Variants in FBF1 observed in about 807,000 individuals in gnomAD.
The protein encoded by FBF1 is Fas binding factor 1.
A neutral mutation model predicts 147.2 loss-of-function variants in FBF1; 119 were observed. That is an observed-to-expected ratio of 0.81 (90% CI 0.70 to 0.94). The LOEUF (loss-of-function observed/expected upper bound fraction) is 0.94. Ranked by LOEUF, FBF1 falls within the 40% of genes least tolerant of loss-of-function variation. The pLI is 0.00. For missense variants in FBF1, 1,449 were observed against 1,500.8 expected, an observed-to-expected ratio of 0.97 and a Z score of 0.57; for synonymous variants, 601 against 609.0, an observed-to-expected ratio of 0.99 and a Z score of 0.19.
intron 2 of FBF1, 147 bp downstream of exon 2, chr17:75,938,000 A>G (rs780300070): frequency 1.8e-5 from 22 of 1,247,526 alleles, no homozygotes; most frequent in Middle Eastern, 1.9e-4. Context: ...TTTGGTATCA[A>G]TGCCACCTCC....
intron 4 of FBF1, among the ~76,000 whole-genome samples, chr17:75,934,942 T>C (rs1047303572): frequency 1.3e-5 from 2 of 148,882 alleles, no homozygotes; most frequent in African/African-American, 5.0e-5. Flanking sequence ...GTGTCCACAA[T>C]AGGCAAATCC....
At chr17:75,931,426 C>G (rs1315599311) in intron 5 of FBF1, 137 bp from the exon 6 acceptor site, 14 of 685,244 alleles carry the variant, frequency 2.0e-5, no homozygotes, top group Non-Finnish European at 2.2e-5. Context: ...AGGAATGTCA[C>G]AGGCCACCTG....
chr17:75,913,535 CTGATT>C (rs1159044807), intron 28 of FBF1, 162 bp downstream of exon 28: 1 of 512,062 alleles, frequency 2.0e-6, no homozygotes, highest in Non-Finnish European at 3.4e-6. Flanking sequence ...TCCTCTATTT[CTGATT>C]TATCTAAAAT....
chr17:75,931,355 G>A lies in FBF1; in HGVS notation c.168-66C>T, dbSNP rs1020655371. 1.3e-5 allele frequency: 18 copies of A among 1,436,128 alleles called. No individual in the cohort carries two copies. In the East Asian group the frequency reaches 4.0e-4, roughly 32 times the overall value. The allele number at this position is 1,436,128 out of a possible 1,614,324, so 89.0% of individuals were successfully genotyped here. Reference sequence around the variant, plus strand: ...CACTGGATGACTCTAAAAAGGGGAGGAGTAGCTTAGAAAGCCCAAGGAATC... The same window carrying A: ...CACTGGATGACTCTAAAAAGGGGAGAAGTAGCTTAGAAAGCCCAAGGAATC... On this transcript the variant is annotated intron_variant, in intron 5 of 29. Transcript: ENST00000636174.
intron 4 of FBF1, among the ~76,000 whole-genome samples, 180 bp downstream of exon 4, chr17:75,935,452 T>C (rs1220919288): frequency 6.6e-6 from 1 of 152,044 alleles, no homozygotes; most frequent in Non-Finnish European, 1.5e-5. Context: ...CAGGCGCATA[T>C]ATCTCAATTT....
chr17:75,913,852 CTG>C, intron 27 of FBF1, 33 bp from the exon 28 acceptor site: 1 of 1,577,598 alleles, frequency 6.3e-7, no homozygotes, highest in Non-Finnish European at 8.6e-7. Flanking sequence ...AAGGACTCAG[CTG>C]TGAGGTGGGA....
At chr17:75,912,850 G>A (rs2065463993) in intron 28 of FBF1, among the ~76,000 whole-genome samples, 1 of 152,090 alleles carries the variant, frequency 6.6e-6, no homozygotes, top group Non-Finnish European at 1.5e-5. Flanking sequence ...AGACCAGCCC[G>A]GCCAACATGG....
At chr17:75,930,524 C>T (rs2065587887) in intron 6 of FBF1, among the ~76,000 whole-genome samples, 1 of 152,214 alleles carries the variant, frequency 6.6e-6, no homozygotes. Flanking sequence ...CTTTGGGAGG[C>T]CGAGGCGGGT....
At position 75,919,746 on chromosome 17, in the gene FBF1, G is replaced by A. The variant is rs1477391989; in HGVS notation, c.2060C>T (p.Thr687Met). The A allele has an allele frequency of 1.9e-5, 31 of 1,613,256 alleles. No individual in the cohort carries two copies. Among genetic ancestry groups the A allele is most frequent in the Non-Finnish European group, 2.3e-5 (27 of 1,179,880 alleles). ...QEAEQARAEL[T>M]AQHQRRLAAI... ...CGCCAAGCGCCGCTGGTGCTGGGCCGTAAGCTCAGCACGGGCCTGTTCGGC... is the reference window on the plus strand; with the variant it reads ...CGCCAAGCGCCGCTGGTGCTGGGCCATAAGCTCAGCACGGGCCTGTTCGGC... Residue 687 changes from threonine (T) to methionine (M), a missense_variant, in exon 20 of 30, where the codon ACG becomes ATG. Thr to Met is a moderately conservative substitution (Grantham distance 81, BLOSUM62 -1). Coordinates refer to ENST00000636174, the MANE Select transcript of FBF1 (RefSeq NM_001319193.2). This position sits in a 1 kb window ranked among gnomAD's most constrained non-coding sequence, Gnocchi z 5.0.
Position 75,921,960 on chromosome 17 carries a change from C to G in FBF1, c.1511G>C (p.Arg504Thr), listed in dbSNP as rs1288608306. ...CCAGGCCTACCCCGAGACACCAGGC[C>G]TGACACACGGTCTTTCTCGTGCAGT... Reference protein sequence around the residue: ...GTTARERPCVRPGVSGSPVTQ... With the variant: ...GTTARERPCVTPGVSGSPVTQ... The change falls in exon 15 of 30, where the codon AGG becomes ACG. Residue 504 changes from arginine (R) to threonine (T), a missense_variant. Physicochemically the swap from Arg to Thr is moderately conservative, Grantham distance 71 (BLOSUM62 -1). Coordinates refer to ENST00000636174, the MANE Select transcript of FBF1 (RefSeq NM_001319193.2). 5 of 1,551,182 alleles carry G rather than the reference C, an allele frequency of 3.2e-6. No individual in the cohort carries two copies. Among genetic ancestry groups the G allele is most frequent in the Admixed American group, 2.0e-5 (1 of 50,972 alleles).
At position 75,923,331 on chromosome 17, in the gene FBF1, G is replaced by A. The variant is rs754861224; in HGVS notation, c.1279C>T (p.Leu427=). 3 of 1,601,652 alleles carry A rather than the reference G, an allele frequency of 1.9e-6. No homozygotes were observed. The highest frequency in any genetic ancestry group is 2.6e-6 in the Non-Finnish European group (3 of 1,174,464). ...TCTTTCTCCTCCTTGGAGGCTCGCA[G>A]CTTGGAAGCCTGGCTGGCTTTGGCA... ...SPAKASQASK[L]RASKEEKEDW... Residue 427 remains leucine (L), a synonymous_variant, in exon 14 of 30, where the codon CTG becomes TTG. Coordinates refer to ENST00000636174, the MANE Select transcript of FBF1 (RefSeq NM_001319193.2). The surrounding 1 kb of genome is among the most constrained non-coding windows in gnomAD (Gnocchi z 4.1).
intron 23 of FBF1, 59 bp downstream of exon 23, chr17:75,917,673 G>A: frequency 4.1e-6 from 6 of 1,452,902 alleles, no homozygotes; most frequent in South Asian, 1.3e-5. Context: ...ACTTGCGGGT[G>A]CCCTGGAGAA....
chr17:75,935,778 T>C, intron 3 of FBF1, 105 bp from the exon 4 acceptor site: 1 of 1,078,114 alleles, frequency 9.3e-7, no homozygotes, highest in Non-Finnish European at 1.3e-6. Context: ...TTTCAGATGT[T>C]GGGACTTAGG....
At chr17:75,926,594 C>T (rs779496137) in intron 10 of FBF1, among the ~76,000 whole-genome samples, 164 bp downstream of exon 10, 4 of 152,212 alleles carry the variant, frequency 2.6e-5, no homozygotes, top group Non-Finnish European at 4.4e-5. Flanking sequence ...CAGACTCACA[C>T]GTCCTACCTT....
rs8072095 is a variant in FBF1 at position 75,937,977 on chromosome 17, T to G, written c.3+170A>C. 8,325 of 951,406 alleles carry G rather than the reference T, an allele frequency of 8.8e-3. 422 individuals are homozygous for G. In the African/African-American group the frequency reaches 0.11, roughly 13 times the overall value. 58.9% of individuals were successfully genotyped at this position (951,406 alleles called of 1,614,324 possible). Reference sequence around the variant, plus strand: ...ACACTCAGAGTCTCAGAAGAAACCTTGGTCGTCGAAAGTTTGGTATCAATG... The same window carrying G: ...ACACTCAGAGTCTCAGAAGAAACCTGGGTCGTCGAAAGTTTGGTATCAATG... On this transcript the variant is annotated intron_variant, in intron 2 of 29. Transcript: ENST00000636174.
chr17:75,928,984 C>T lies in FBF1; in HGVS notation c.280-791G>A, dbSNP rs1284039035. Among the ~76,000 whole-genome samples the T allele has an allele frequency of 1.3e-5, 2 of 149,826 alleles. No homozygotes were observed. The highest frequency in any genetic ancestry group is 3.0e-5 in the Non-Finnish European group (2 of 67,564). ...GGCATTACAGGAGTAAGCCACCATG[C>T]CAGACTTTTTTTTTTTTTTTGAAGA... On this transcript the variant is annotated intron_variant, in intron 7 of 29. Transcript: ENST00000636174. This position sits in a 1 kb window ranked among gnomAD's most constrained non-coding sequence, Gnocchi z 4.2.
At position 75,913,826 on chromosome 17, in the gene FBF1, C is replaced by G; in HGVS notation, c.3130-7G>C. On this transcript the variant is annotated splice_polypyrimidine_tract_variant and splice_region_variant and intron_variant, in intron 27 of 29. Transcript: ENST00000636174. ...GGGCCAGACTCAGATGCTCCTGTCC[C>G]CGTTCCCCCAGAAAGAAGGACTCAG... 1 of 1,596,026 alleles carries G rather than the reference C, an allele frequency of 6.3e-7. No homozygotes were observed. The highest frequency in any genetic ancestry group is 1.1e-5 in the South Asian group (1 of 88,840).
In FBF1 at chr17:75,925,644, C is replaced by A. The variant is rs1370567184; in HGVS notation, c.869-198G>T. On this transcript the variant is annotated intron_variant, in intron 12 of 29. Coordinates refer to ENST00000636174, the MANE Select transcript of FBF1 (RefSeq NM_001319193.2). The surrounding 1 kb of genome is among the most constrained non-coding windows in gnomAD (Gnocchi z 5.0). Reference sequence around the variant, plus strand: ...CAGTAGCCAGACCCTGCCCCAGGATCCCTCGAGGTCAGGTCCAGCGAGCGG... The same window carrying A: ...CAGTAGCCAGACCCTGCCCCAGGATACCTCGAGGTCAGGTCCAGCGAGCGG... 6.6e-6 allele frequency among the ~76,000 whole-genome samples: 1 copy of A among 152,204 alleles called. No homozygotes were observed. The highest frequency in any genetic ancestry group is 1.5e-5 in the Non-Finnish European group (1 of 68,032).
rs747387916 is a variant in FBF1, at chr17:75,926,294, C to T, written c.728G>A (p.Gly243Glu). 17 of 1,613,160 alleles carry T rather than the reference C, an allele frequency of 1.1e-5. No individual in the cohort carries two copies. The highest frequency in any genetic ancestry group is 1.4e-5 in the Non-Finnish European group (16 of 1,179,694). The change falls in exon 11 of 30, where the codon GGA becomes GAA. Residue 243 changes from glycine (G) to glutamate (E), a missense_variant. Coordinates refer to ENST00000636174, the MANE Select transcript of FBF1 (RefSeq NM_001319193.2). ...CCTACTCAGGGATCCTTACTGGTCT[C>T]CTATCTGCCTCTTCTCTGCTTTGGG... ...DSPKAEKRQI[G>E]DQEGPRPARS... is the part of the protein sequence containing the mutation.
Sources: gnomAD v4.1 joint callset for allele counts (sites outside exome capture counted in the v4.1 genomes callset) on GRCh38, gnomAD v4.1.1 for gene constraint, Gnocchi (gnomAD v3.1) non-coding constraint, MANE v1.5 for transcripts, NCBI Gene and HGNC (gene_info 2026-07-23, HGNC 2026-07-21) for gene names.